The following CSMD3 variants were observed in gnomAD, a reference collection of about 807,000 sequenced individuals.
The protein encoded by CSMD3 is CUB and Sushi multiple domains 3, also known as CUB and sushi domain-containing protein 3.
Under a neutral mutation model 435.2 loss-of-function variants are expected in CSMD3, and 177 were observed. That is an observed-to-expected ratio of 0.41 (90% CI 0.36 to 0.46). The LOEUF (loss-of-function observed/expected upper bound fraction) is 0.46, where lower values mean the gene tolerates loss of function less well. Ranked by LOEUF, CSMD3 falls within the 20% of genes least tolerant of loss-of-function variation. The pLI is 0.34. For missense variants in CSMD3, 4,265 were observed against 4,504.6 expected (o/e 0.95, Z 1.52); for synonymous variants, 1,656 against 1,520.5 (o/e 1.09, Z -2.07).
intron 17 of CSMD3, among the ~76,000 whole-genome samples, chr8:112,660,496 G>A (rs2075355026): frequency 1.3e-5 from 2 of 152,096 alleles, no homozygotes; most frequent in East Asian, 1.9e-4. Context: ...AATATAGACA[G>A]CCCTCAACCA....
At chr8:113,255,349 T>C (rs753573306) in intron 3 of CSMD3, among the ~76,000 whole-genome samples, 5 of 152,110 alleles carry the variant, frequency 3.3e-5, no homozygotes, top group South Asian at 2.1e-4. Context: ...TAGTTTTGTA[T>C]TAAAATTATA....
chr8:112,478,583 T>A (rs573294289), intron 31 of CSMD3, among the ~76,000 whole-genome samples: 33 of 152,272 alleles, frequency 2.2e-4, no homozygotes, highest in African/African-American at 7.5e-4. Context: ...TCTTTGGGTA[T>A]CTGGCAGAAG....
At chr8:112,917,496 G>T (rs2082607999) in intron 10 of CSMD3, among the ~76,000 whole-genome samples, 1 of 151,454 alleles carries the variant, frequency 6.6e-6, no homozygotes, top group African/African-American at 2.4e-5. Flanking sequence ...ATAAACTTTT[G>T]GTACAAGTTA....
intron 6 of CSMD3, among the ~76,000 whole-genome samples, chr8:113,017,272 T>C (rs2086499494): frequency 1.3e-5 from 2 of 151,954 alleles, no homozygotes; most frequent in South Asian, 4.1e-4. Context: ...CAAAAGTCAA[T>C]TAAAGACCAA....
intron 1 of CSMD3, among the ~76,000 whole-genome samples, chr8:113,426,896 AC>A (rs1483556372): frequency 2.9e-4 from 44 of 151,630 alleles, no homozygotes; most frequent in African/African-American, 1.0e-3. Flanking sequence ...GACTTGACCA[AC>A]CTTGGAGAAA....
intron 9 of CSMD3, among the ~76,000 whole-genome samples, chr8:112,938,810 A>C (rs1053560356): frequency 3.3e-5 from 5 of 152,164 alleles, no homozygotes; most frequent in Non-Finnish European, 5.9e-5. Flanking sequence ...GCTAGAATGC[A>C]AATATATAAG....
chr8:112,699,291 C>T (rs1419945048), intron 13 of CSMD3, among the ~76,000 whole-genome samples: 2 of 152,096 alleles, frequency 1.3e-5, no homozygotes, highest in African/African-American at 4.8e-5. Flanking sequence ...AAGGAAGAAA[C>T]TCCGGACACG....
chr8:113,215,151 C>T (rs888954852), intron 3 of CSMD3, among the ~76,000 whole-genome samples: 2 of 151,752 alleles, frequency 1.3e-5, no homozygotes, highest in African/African-American at 4.8e-5. Context: ...TCTTTACTTA[C>T]TGATATATTT....
intron 10 of CSMD3, among the ~76,000 whole-genome samples, chr8:112,898,926 C>T (rs1464387775): frequency 2.0e-5 from 3 of 151,092 alleles, no homozygotes; most frequent in African/African-American, 4.8e-5. Flanking sequence ...TTATACTGCT[C>T]TTATTGTGTA....
chr8:112,978,361 A>G (rs1472611240), intron 6 of CSMD3, among the ~76,000 whole-genome samples: 2 of 151,912 alleles, frequency 1.3e-5, no homozygotes, highest in Non-Finnish European at 2.9e-5. Flanking sequence ...AATCTGAGAT[A>G]ATCCTTATGA....
At chr8:113,253,730 T>C (rs1195852011) in intron 3 of CSMD3, among the ~76,000 whole-genome samples, 1 of 151,752 alleles carries the variant, frequency 6.6e-6, no homozygotes, top group Admixed American at 6.6e-5. Context: ...GCCCAGCTAC[T>C]TGGGAGGCTG....
intron 11 of CSMD3, among the ~76,000 whole-genome samples, chr8:112,850,816 A>G (rs2080462689): frequency 6.6e-6 from 1 of 152,134 alleles, no homozygotes; most frequent in African/African-American, 2.4e-5. Flanking sequence ...ACTGTGTCCA[A>G]ATTGAAGCTG....
chr8:112,384,631 C>G (rs574192194), intron 36 of CSMD3, among the ~76,000 whole-genome samples: 1 of 152,340 alleles, frequency 6.6e-6, no homozygotes, highest in Non-Finnish European at 1.5e-5. Context: ...CAATTTCACT[C>G]ATTAAAAATT....
At chr8:112,375,367 G>T (rs1255831694) in intron 38 of CSMD3, among the ~76,000 whole-genome samples, 2 of 152,082 alleles carry the variant, frequency 1.3e-5, no homozygotes, top group African/African-American at 2.4e-5. Context: ...CTACATTAAA[G>T]ATCATGATTT....
At chr8:113,321,024 C>G (rs1325957703) in intron 1 of CSMD3, among the ~76,000 whole-genome samples, 1 of 152,002 alleles carries the variant, frequency 6.6e-6, no homozygotes, top group East Asian at 1.9e-4. Context: ...CTTTGTTTTT[C>G]TATTCTAAAC....
At chr8:112,975,724 T>A in intron 7 of CSMD3, 113 bp downstream of exon 7, 1 of 1,534,540 alleles carries the variant, frequency 6.5e-7, no homozygotes, top group Middle Eastern at 2.4e-4. Context: ...TTGAACTTTT[T>A]CTTTTGCTTT....
intron 27 of CSMD3, among the ~76,000 whole-genome samples, chr8:112,532,858 G>T (rs1419799728): frequency 1.3e-5 from 2 of 152,030 alleles, no homozygotes; most frequent in Non-Finnish European, 2.9e-5. Context: ...AAGAAGAAAA[G>T]ACACATCTAT....
chr8:112,657,052 TTC>T (rs1464639319), intron 17 of CSMD3, among the ~76,000 whole-genome samples: 2 of 149,926 alleles, frequency 1.3e-5, no homozygotes. Context: ...AAACTTTTTT[TTC>T]TTTTTACTTT....
Position 112,223,826 on chromosome 8 carries a change from G to A in CSMD3, c.*945C>T, listed in dbSNP as rs942875776. On this transcript the variant is annotated 3_prime_UTR_variant, in exon 71 of 71. Transcript: ENST00000297405. Reference sequence around the variant, plus strand: ...TAGATATAAATAGAGTAGATTATTAGGACATTTTATTTGGTCGATCAAAAA... The same window carrying A: ...TAGATATAAATAGAGTAGATTATTAAGACATTTTATTTGGTCGATCAAAAA... 3 of 152,016 alleles carry A rather than the reference G, an allele frequency of 2.0e-5. No individual in the cohort carries two copies. The highest frequency in any genetic ancestry group is 4.8e-5 in the African/African-American group (2 of 41,400). The allele number at this position is 152,016 out of a possible 1,614,324, so 9.4% of individuals were successfully genotyped here.
Sources: allele counts gnomAD v4.1 joint callset (sites outside exome capture counted in the v4.1 genomes callset), GRCh38; gene constraint gnomAD v4.1.1; transcripts MANE v1.5; gene names NCBI Gene and HGNC (gene_info 2026-07-23, HGNC 2026-07-21).